Variants in STRIP2 observed in about 807,000 individuals in gnomAD.
STRIP2 encodes striatin interacting protein 2, also known as striatin-interacting protein 2.
In STRIP2, 84 loss-of-function variants were observed where a neutral mutation model predicts 107.1. That is an observed-to-expected ratio of 0.78 (90% CI 0.66 to 0.94). The LOEUF (loss-of-function observed/expected upper bound fraction) is 0.94, where lower values mean the gene tolerates loss of function less well. STRIP2 is among the 40% of genes least tolerant of loss of function. The pLI is 0.00. For missense variants in STRIP2, 888 were observed against 1,034.2 expected (o/e 0.86, Z 1.94); for synonymous variants, 394 against 400.4 (o/e 0.98, Z 0.19).
intron 13 of STRIP2, chr7:129,460,575 A>G (rs1798505271): frequency 3.5e-6 from 2 of 573,104 alleles, no homozygotes; most frequent in South Asian, 4.1e-5. Context: ...ACTATCAGAG[A>G]ATGGTAAATA....
At chr7:129,463,353 C>T (rs1798592443) in intron 14 of STRIP2, among the ~76,000 whole-genome samples, 1 of 152,100 alleles carries the variant, frequency 6.6e-6, no homozygotes, top group Non-Finnish European at 1.5e-5. Flanking sequence ...CCTAGATAGC[C>T]TCAGGCTGGG....
intron 18 of STRIP2, among the ~76,000 whole-genome samples, chr7:129,477,162 G>C (rs566385918): frequency 2.8e-5 from 4 of 141,558 alleles, no homozygotes; most frequent in African/African-American, 5.2e-5. Context: ...GAGGGAGACC[G>C]TGGAAAGAGG....
intron 8 of STRIP2, among the ~76,000 whole-genome samples, chr7:129,456,148 T>C (rs1228901392): frequency 1.8e-5 from 2 of 109,618 alleles, no homozygotes; most frequent in African/African-American, 2.6e-5. Context: ...TTTCTTTTTT[T>C]TCTTTTTTTT....
chr7:129,457,783 A>G (rs1286645315), intron 9 of STRIP2, among the ~76,000 whole-genome samples: 1 of 152,188 alleles, frequency 6.6e-6, no homozygotes, highest in African/African-American at 2.4e-5. Context: ...TCTTTGTCAC[A>G]AGATTTAAAA....
In STRIP2 at chr7:129,485,960, C is replaced by A; in HGVS notation, c.*131C>A. The A allele has an allele frequency of 9.8e-7, 1 of 1,023,316 alleles. No homozygotes were observed. Among genetic ancestry groups the A allele is most frequent in the Non-Finnish European group, 1.4e-6 (1 of 701,022 alleles). 63.4% of individuals were successfully genotyped at this position (1,023,316 alleles called of 1,614,324 possible). On this transcript the variant is annotated 3_prime_UTR_variant, in exon 21 of 21. Coordinates refer to ENST00000249344, the MANE Select transcript of STRIP2 (RefSeq NM_020704.3). ...GGGGCTCTTGGGCCTAAAGATGGTG[C>A]AAGGGTGGGATCCTGAATCACAATA...
At chr7:129,466,522 A>G (rs1025613997) in intron 16 of STRIP2, among the ~76,000 whole-genome samples, 4 of 152,082 alleles carry the variant, frequency 2.6e-5, no homozygotes, top group African/African-American at 9.7e-5. Context: ...CCATTTCTAT[A>G]CTAGAATACT....
intron 2 of STRIP2, 26 bp from the exon 3 acceptor site, chr7:129,443,998 T>C: frequency 6.3e-7 from 1 of 1,588,182 alleles, no homozygotes; most frequent in Non-Finnish European, 8.6e-7. Flanking sequence ...CTCCCGAATG[T>C]GACTGTTCTG....
At chr7:129,448,832 C>G (rs1798106254) in intron 3 of STRIP2, among the ~76,000 whole-genome samples, 1 of 152,184 alleles carries the variant, frequency 6.6e-6, no homozygotes, top group South Asian at 2.1e-4. Context: ...ACCATTAGCT[C>G]TGGCATAAGG....
intron 4 of STRIP2, among the ~76,000 whole-genome samples, chr7:129,452,195 C>A (rs1395210564): frequency 6.6e-6 from 1 of 152,136 alleles, no homozygotes; most frequent in Non-Finnish European, 1.5e-5. Flanking sequence ...TTCAAGCCAA[C>A]ATAACTGCGG....
chr7:129,467,491 G>C (rs1584959288), intron 17 of STRIP2, 41 bp downstream of exon 17: 1 of 1,476,436 alleles, frequency 6.8e-7, no homozygotes, highest in Admixed American at 1.7e-5. Flanking sequence ...GGCTATTTTG[G>C]GGTGGTTGAG....
At chr7:129,468,837 G>A (rs1798729897) in intron 17 of STRIP2, among the ~76,000 whole-genome samples, 1 of 152,214 alleles carries the variant, frequency 6.6e-6, no homozygotes. Context: ...GGACAGCAAT[G>A]CAGCTCTGGA....
Position 129,458,579 on chromosome 7 carries a change from C to T in STRIP2, c.1274+129C>T. ...AGTCAGAACTCCTGGGTTTGAAATT[C>T]CTTCTGTTGATTGCTGCCTTTTTCC... On this transcript the variant is annotated intron_variant, in intron 10 of 20. Transcript: ENST00000249344. This position sits in a 1 kb window ranked among gnomAD's most constrained non-coding sequence, Gnocchi z 4.6. 1 of 1,260,762 alleles carries T rather than the reference C, an allele frequency of 7.9e-7. No homozygotes were observed. The highest frequency in any genetic ancestry group is 2.1e-5 in the Admixed American group (1 of 46,998). 78.1% of individuals were successfully genotyped at this position (1,260,762 alleles called of 1,614,324 possible). A position where few individuals can be genotyped will look rare whatever the true frequency, so the allele number is the denominator to read the frequency against.
chr7:129,439,069 G>A (rs1244613710), intron 1 of STRIP2, among the ~76,000 whole-genome samples: 1 of 152,126 alleles, frequency 6.6e-6, no homozygotes, highest in Non-Finnish European at 1.5e-5. Flanking sequence ...AACTTAATCT[G>A]TAGTACCCCT....
chr7:129,446,405 C>T (rs1037568059), intron 3 of STRIP2, among the ~76,000 whole-genome samples: 6 of 152,192 alleles, frequency 3.9e-5, no homozygotes, highest in Non-Finnish European at 7.3e-5. Context: ...CCTGACCATC[C>T]AGCCAAATCA....
chr7:129,441,239 G>A lies in STRIP2; in HGVS notation c.199+1148G>A, dbSNP rs141629055. Among the ~76,000 whole-genome samples, 874 of 152,258 alleles carry A rather than the reference G, an allele frequency of 5.7e-3. 7 individuals are homozygous for A. Among genetic ancestry groups the A allele is most frequent in the African/African-American group, 0.02 (831 of 41,562 alleles). On this transcript the variant is annotated intron_variant, in intron 2 of 20. Transcript: ENST00000249344. ...AAAGCCTGGGGTTGGTGAGGGTGCA[G>A]AGAAATTAGTACTTTTATGCACTGC...
chr7:129,454,460 T>C lies in STRIP2; in HGVS notation c.639T>C (p.Ile213=). The change falls in exon 7 of 21, where the codon ATT becomes ATC. Residue 213 remains isoleucine (I), a synonymous_variant. Transcript: ENST00000249344. ...LSVMYLMVEN[I]RLERETDPCG... ...TTATGTACCTAATGGTGGAAAATAT[T>C]CGCCTGGAGCGAGAGACAGACCCCT... 1.3e-5 allele frequency: 21 copies of C among 1,614,106 alleles called. No homozygotes were observed. Among genetic ancestry groups the C allele is most frequent in the Non-Finnish European group, 1.5e-5 (18 of 1,180,002 alleles).
At position 129,464,157 on chromosome 7, in the gene STRIP2, G is replaced by T; in HGVS notation, c.1649+16G>T. 6.3e-7 allele frequency: 1 copy of T among 1,587,448 alleles called. No individual in the cohort carries two copies. The highest frequency in any genetic ancestry group is 8.6e-7 in the Non-Finnish European group (1 of 1,160,398). The stretch of plus-strand genomic sequence containing the variant: ...AGGAGATGCCGTGAGTGCTTCAACG[G>T]GGGCAGCTGCTGGATACTAGCTGTC... On this transcript the variant is annotated intron_variant, in intron 15 of 20. Transcript: ENST00000249344.
intron 17 of STRIP2, 111 bp from the exon 18 acceptor site, chr7:129,470,538 G>C: frequency 1.2e-6 from 1 of 857,844 alleles, no homozygotes; most frequent in Non-Finnish European, 1.9e-6. Flanking sequence ...TAAGCAATTT[G>C]GGAAATGGAT....
rs6968465 is a variant in STRIP2, at chr7:129,479,306, G to C, written c.1945-1479G>C. On this transcript the variant is annotated intron_variant, in intron 18 of 20. Coordinates refer to ENST00000249344, the MANE Select transcript of STRIP2 (RefSeq NM_020704.3). ...AAAAAAAAAATGTAAAAGTCTCCCT[G>C]TCTCTATTAACCACACAAGATATAA... Among the ~76,000 whole-genome samples, 1,008 of 151,192 alleles carry C rather than the reference G, an allele frequency of 6.7e-3. 11 individuals carry two copies. The highest frequency in any genetic ancestry group is 0.023 in the African/African-American group (954 of 41,212).
Sources: allele counts gnomAD v4.1 joint callset (sites outside exome capture counted in the v4.1 genomes callset), GRCh38; gene constraint gnomAD v4.1.1; non-coding constraint Gnocchi (gnomAD v3.1); transcripts MANE v1.5; gene names NCBI Gene and HGNC (gene_info 2026-07-23, HGNC 2026-07-21).